Variants in BLVRA observed in about 807,000 individuals in gnomAD.
The protein encoded by BLVRA is biliverdin reductase A.
BLVRA carries 22 observed loss-of-function variants against 32.8 expected under a neutral mutation model. The ratio of observed to expected loss-of-function variants is 0.67; its 90% CI spans 0.48 to 0.96. The LOEUF (loss-of-function observed/expected upper bound fraction) is 0.96, where lower values mean the gene tolerates loss of function less well. Ranked by LOEUF, BLVRA falls within the 40% of genes least tolerant of loss-of-function variation. The pLI is 0.00. For missense variants in BLVRA, 323 were observed against 358.1 expected (o/e 0.90, Z 0.79); for synonymous variants, 119 against 141.3 (o/e 0.84, Z 1.12).
intron 2 of BLVRA, among the ~76,000 whole-genome samples, chr7:43,778,763 C>G (rs899937664): frequency 1.2e-4 from 18 of 152,236 alleles, no homozygotes; most frequent in Non-Finnish European, 8.8e-5. Context: ...AGAGGTGGAG[C>G]CTACAGAGGC....
intron 1 of BLVRA, among the ~76,000 whole-genome samples, chr7:43,763,902 G>A (rs2095745031): frequency 6.6e-6 from 1 of 152,080 alleles, no homozygotes; most frequent in African/African-American, 2.4e-5. Flanking sequence ...AGAACTTGGA[G>A]CGCCTTAAAA....
Position 43,795,308 on chromosome 7 carries a change from G to T in BLVRA, c.352+2496G>T, listed in dbSNP as rs536961508. ...AGGCGGGCGAATCACCTGAGGTCAG[G>T]ATTTCAAGACCAGCCTAGCCAACAT... On this transcript the variant is annotated intron_variant, in intron 5 of 7. Transcript: ENST00000265523. 2.6e-5 allele frequency among the ~76,000 whole-genome samples: 4 copies of T among 152,268 alleles called. No individual in the cohort carries two copies. In the South Asian group the frequency reaches 8.3e-4, roughly 32 times the overall value.
intron 3 of BLVRA, among the ~76,000 whole-genome samples, chr7:43,790,514 A>G (rs1298320369): frequency 1.3e-5 from 2 of 152,124 alleles, no homozygotes; most frequent in Non-Finnish European, 1.5e-5. Context: ...TAGCTTAGCT[A>G]TAAAGTAGCT....
chr7:43,782,340 C>T (rs909489825), intron 2 of BLVRA, among the ~76,000 whole-genome samples: 1 of 152,188 alleles, frequency 6.6e-6, no homozygotes, highest in Admixed American at 6.5e-5. Flanking sequence ...GAAGGACCAT[C>T]GGCCACAGTC....
At chr7:43,774,285 G>C (rs2095757999) in intron 2 of BLVRA, among the ~76,000 whole-genome samples, 1 of 152,192 alleles carries the variant, frequency 6.6e-6, no homozygotes, top group African/African-American at 2.4e-5. Context: ...TAACATGTAA[G>C]TCTTTAATCC....
chr7:43,803,581 A>G (rs533496772), intron 6 of BLVRA, 95 bp from the exon 7 acceptor site: 2 of 1,399,620 alleles, frequency 1.4e-6, no homozygotes, highest in Non-Finnish European at 2.0e-6. Flanking sequence ...ACTCGGCCAC[A>G]TCTTTTCACA....
intron 2 of BLVRA, among the ~76,000 whole-genome samples, chr7:43,775,417 G>A (rs2095759591): frequency 1.3e-5 from 2 of 151,852 alleles, no homozygotes; most frequent in Non-Finnish European, 2.9e-5. Flanking sequence ...TTTGTCTTTG[G>A]TTCTGTTTAT....
chr7:43,766,651 G>T (rs536231743), intron 1 of BLVRA, among the ~76,000 whole-genome samples: 2 of 152,166 alleles, frequency 1.3e-5, no homozygotes, highest in African/African-American at 4.8e-5. Flanking sequence ...GCCAGATCTC[G>T]CTTGGCCTGG....
intron 6 of BLVRA, 107 bp downstream of exon 6, chr7:43,800,679 T>A: frequency 9.7e-7 from 1 of 1,032,058 alleles, no homozygotes; most frequent in Non-Finnish European, 1.5e-6. Context: ...CTCAAGACTC[T>A]CTGACTCAGG....
At chr7:43,791,689 A>C in intron 4 of BLVRA, 1 of 311,222 alleles carries the variant, frequency 3.2e-6, no homozygotes, top group Non-Finnish European at 6.3e-6. Flanking sequence ...CCTTCTTCTC[A>C]CCAGACAGTT....
chr7:43,791,548 A>G (rs897384854), intron 4 of BLVRA, 180 bp downstream of exon 4: 10 of 647,698 alleles, frequency 1.5e-5, no homozygotes, highest in Non-Finnish European at 2.1e-5. Flanking sequence ...GGTTATAAAT[A>G]TATAAGGAAG....
At chr7:43,797,815 G>C (rs891660177) in intron 5 of BLVRA, among the ~76,000 whole-genome samples, 3 of 152,078 alleles carry the variant, frequency 2.0e-5, no homozygotes, top group Non-Finnish European at 4.4e-5. Context: ...ATTACAGTTA[G>C]TTATTGTGTA....
intron 2 of BLVRA, among the ~76,000 whole-genome samples, chr7:43,778,521 T>G (rs372104574): frequency 2.0e-4 from 31 of 152,122 alleles, no homozygotes; most frequent in African/African-American, 7.5e-4. Flanking sequence ...CTCTGGAAGT[T>G]TTGTCTCAGA....
intron 2 of BLVRA, among the ~76,000 whole-genome samples, chr7:43,782,895 A>C (rs2095771739): frequency 6.6e-6 from 1 of 152,102 alleles, no homozygotes; most frequent in South Asian, 2.1e-4. Flanking sequence ...TGGATGACCC[A>C]CGGTGAAGCA....
chr7:43,765,132 CA>C (rs1214900869), intron 1 of BLVRA, among the ~76,000 whole-genome samples: 10 of 152,342 alleles, frequency 6.6e-5, no homozygotes, highest in African/African-American at 2.4e-4. Context: ...TTGCTTCAAG[CA>C]AGTTGTTTCT....
chr7:43,800,621 C>A (rs376736348), intron 6 of BLVRA, 49 bp downstream of exon 6: 2 of 1,518,572 alleles, frequency 1.3e-6, no homozygotes, highest in Non-Finnish European at 1.8e-6. Context: ...CAAAGACCAG[C>A]CAGATTCTTT....
At position 43,787,920 on chromosome 7, in the gene BLVRA, G is replaced by A. The variant is rs771090611; in HGVS notation, c.29G>A (p.Gly10Asp). Reference sequence around the variant, plus strand: ...GTGTTTCAGCCCGAGAGGAAGTTTGGCGTGGTGGTGGTTGGTGTTGGCCGA... The same window carrying A: ...GTGTTTCAGCCCGAGAGGAAGTTTGACGTGGTGGTGGTTGGTGTTGGCCGA... Reference protein sequence around the residue: MNAEPERKFGVVVVGVGRAG... With the variant: MNAEPERKFDVVVVGVGRAG... The change falls in exon 3 of 8, where the codon GGC (glycine) becomes GAC (aspartate). Residue 10 changes from glycine to aspartate, a missense_variant. Coordinates refer to ENST00000265523, the MANE Select transcript of BLVRA (RefSeq NM_000712.4). This position sits in a 1 kb window ranked among gnomAD's most constrained non-coding sequence, Gnocchi z 4.5. 54 of 1,614,076 alleles carry A rather than the reference G, an allele frequency of 3.3e-5. No homozygotes were observed. Among genetic ancestry groups the A allele is most frequent in the Non-Finnish European group, 4.0e-5 (47 of 1,180,044 alleles).
chr7:43,760,878 C>T (rs1488679304), intron 1 of BLVRA, among the ~76,000 whole-genome samples: 2 of 151,724 alleles, frequency 1.3e-5, no homozygotes, highest in African/African-American at 4.8e-5. Flanking sequence ...AAGTGATTCT[C>T]ATTCCTCAGC....
At chr7:43,803,998 C>A in intron 7 of BLVRA, 151 bp downstream of exon 7, 2 of 852,906 alleles carry the variant, frequency 2.3e-6, no homozygotes, top group Non-Finnish European at 3.7e-6. Flanking sequence ...TGAGATTGCA[C>A]TTGTGTTGCC....
Sources: allele counts gnomAD v4.1 joint callset (sites outside exome capture counted in the v4.1 genomes callset), GRCh38; gene constraint gnomAD v4.1.1; non-coding constraint Gnocchi (gnomAD v3.1); transcripts MANE v1.5; gene names NCBI Gene and HGNC (gene_info 2026-07-23, HGNC 2026-07-21).